VEZT: variants seen among roughly 807,000 people sequenced by gnomAD.
VEZT encodes vezatin, adherens junctions transmembrane protein, also known as vezatin.
In VEZT, 39 loss-of-function variants were observed where a neutral mutation model predicts 79.9. The ratio of observed to expected loss-of-function variants is 0.49; its 90% confidence interval spans 0.38 to 0.64. The LOEUF (loss-of-function observed/expected upper bound fraction) is 0.64. VEZT is among the 30% of genes least tolerant of loss of function. The pLI is 0.00. For missense variants in VEZT, 837 were observed against 893.1 expected (o/e 0.94, Z 0.80); for synonymous variants, 325 against 327.6 (o/e 0.99, Z 0.09).
rs745336269 is a variant in VEZT at position 95,287,836 on chromosome 12, C to G, written c.1501C>G (p.Arg501Gly). 6.3e-7 allele frequency: 1 copy of G among 1,598,902 alleles called. No individual in the cohort carries two copies. ...EAISQVDKLL[R>G]RNTDKKGKPE... Reference sequence around the variant, plus strand: ...CATTTCTCAGGTCGACAAACTGCTACGAAGAAATACAGATAAAAAAGGTAC... The same window carrying G: ...CATTTCTCAGGTCGACAAACTGCTAGGAAGAAATACAGATAAAAAAGGTAC... The change falls in exon 9 of 12, where the codon CGA (arginine) becomes GGA (glycine). Residue 501 changes from arginine (R) to glycine (G), a missense_variant. By Grantham distance (125) the Arg-to-Gly change is moderately radical (BLOSUM62 -2). Transcript: ENST00000436874.
At position 95,300,165 on chromosome 12, in the gene VEZT, C is replaced by A; in HGVS notation, c.1832C>A (p.Ala611Asp). 1 of 1,388,182 alleles carries A rather than the reference C, an allele frequency of 7.2e-7. No individual in the cohort carries two copies. Among genetic ancestry groups the A allele is most frequent in the Non-Finnish European group, 9.4e-7 (1 of 1,063,598 alleles). 86.0% of individuals were successfully genotyped at this position (1,388,182 alleles called of 1,614,324 possible). Residue 611 changes from alanine to aspartate, a missense_variant and splice_region_variant, in exon 12 of 12, where the codon GCC (alanine) becomes GAC (aspartate). Ala to Asp is a moderately radical substitution (Grantham distance 126). Coordinates refer to ENST00000436874, the MANE Select transcript of VEZT (RefSeq NM_017599.4). The stretch of plus-strand genomic sequence containing the variant: ...CTTTTTTCTTTTTTTTTATTTGAAG[C>A]CGTGTTGAAATCCTTGTCTCCTGTA... ...KWKQLLFSDH[A>D]VLKSLSPVDP...
chr12:95,228,004 CT>C (rs1275663909), intron 1 of VEZT, among the ~76,000 whole-genome samples: 5 of 152,152 alleles, frequency 3.3e-5, no homozygotes, highest in Non-Finnish European at 5.9e-5. Flanking sequence ...GAACTCGTTA[CT>C]GTTTTTGGTG....
In VEZT at chr12:95,244,143, C is replaced by T. The variant is rs536255816; in HGVS notation, c.37-7797C>T. 5.6e-5 allele frequency: 20 copies of T among 358,326 alleles called. 1 individual carries two copies. The highest frequency in any genetic ancestry group is 3.5e-4 in the South Asian group (16 of 45,584). 22.2% of individuals were successfully genotyped at this position (358,326 alleles called of 1,614,324 possible). A position where few individuals can be genotyped will look rare whatever the true frequency, so the allele number is the denominator to read the frequency against. The stretch of plus-strand genomic sequence containing the variant: ...AGGCACAGTGCCTTACACCTATAAT[C>T]CCAGTGCTTTGGGCCGAGGTGGGAG... On this transcript the variant is annotated intron_variant, in intron 1 of 11. Coordinates refer to ENST00000436874, the MANE Select transcript of VEZT (RefSeq NM_017599.4).
intron 1 of VEZT, among the ~76,000 whole-genome samples, chr12:95,232,479 C>T (rs2059393953): frequency 6.6e-6 from 1 of 152,152 alleles, no homozygotes; most frequent in Admixed American, 6.5e-5. Flanking sequence ...CCAGAATAAG[C>T]ACAGATTCAT....
chr12:95,243,728 G>A (rs1380077683), intron 1 of VEZT, among the ~76,000 whole-genome samples: 1 of 152,180 alleles, frequency 6.6e-6, no homozygotes, highest in Non-Finnish European at 1.5e-5. Context: ...CCTAATGGGA[G>A]GCATTTAGGT....
intron 1 of VEZT, among the ~76,000 whole-genome samples, chr12:95,220,283 T>C (rs1470083561): frequency 1.3e-5 from 2 of 152,168 alleles, no homozygotes; most frequent in African/African-American, 4.8e-5. Flanking sequence ...GGTGAAACCC[T>C]ATCTCTACAA....
At chr12:95,252,172 G>GT in intron 2 of VEZT, 101 bp downstream of exon 2, 1 of 1,260,040 alleles carries the variant, frequency 7.9e-7, no homozygotes, top group Non-Finnish European at 1.1e-6. Context: ...CCTCACACTG[G>GT]TAAGACTATT....
intron 7 of VEZT, 126 bp downstream of exon 7, chr12:95,275,015 G>A: frequency 1.8e-6 from 2 of 1,129,502 alleles, no homozygotes; most frequent in Non-Finnish European, 1.2e-6. Flanking sequence ...CATCATAAAT[G>A]CACGGGTGAT....
At chr12:95,289,417 C>CAAAAAAAAAAAAAAAAAAAAAAA in intron 9 of VEZT, among the ~76,000 whole-genome samples, 1 of 69,464 alleles carries the variant, frequency 1.4e-5, no homozygotes, top group Non-Finnish European at 2.6e-5. Context: ...ACTCTTGTCT[C>CAAAAAAAAAAAAAAAAAAAAAAA]AAAAAAAAAA....
At chr12:95,218,376 A>G (rs1054397787) in intron 1 of VEZT, 4 of 152,356 alleles carry the variant, frequency 2.6e-5, no homozygotes, top group African/African-American at 9.7e-5. Context: ...TTTAAAGTCT[A>G]TTTGTGGGAC....
At chr12:95,264,942 G>A (rs1593661877) in intron 4 of VEZT, among the ~76,000 whole-genome samples, 2 of 141,490 alleles carry the variant, frequency 1.4e-5, no homozygotes, top group African/African-American at 2.6e-5. Flanking sequence ...GCATGATCTC[G>A]GCTTACTGCA....
At chr12:95,284,183 C>G (rs1237396712) in intron 8 of VEZT, among the ~76,000 whole-genome samples, 1 of 152,214 alleles carries the variant, frequency 6.6e-6, no homozygotes, top group Non-Finnish European at 1.5e-5. Context: ...GCTAATGTCT[C>G]TCACCTTTCT....
chr12:95,270,225 T>C, intron 6 of VEZT, 37 bp downstream of exon 6: 2 of 1,548,958 alleles, frequency 1.3e-6, no homozygotes, highest in Non-Finnish European at 1.7e-6. Context: ...CTAAGCAATG[T>C]TTCTGGAGTC....
chr12:95,262,819 C>A, intron 3 of VEZT, 87 bp from the exon 4 acceptor site: 2 of 1,242,322 alleles, frequency 1.6e-6, no homozygotes, highest in Non-Finnish European at 2.1e-6. Context: ...TAAACACCAC[C>A]AAATTTTATT....
intron 1 of VEZT, among the ~76,000 whole-genome samples, chr12:95,237,626 ATTATT>A (rs2060374987): frequency 6.6e-6 from 1 of 152,152 alleles, no homozygotes; most frequent in East Asian, 1.9e-4. Context: ...GCACTGGAAT[ATTATT>A]TTGTTTTGTT....
At chr12:95,261,023 C>CCAT (rs889474883) in intron 3 of VEZT, among the ~76,000 whole-genome samples, 7 of 132,778 alleles carry the variant, frequency 5.3e-5, no homozygotes, top group African/African-American at 1.7e-4. Context: ...AAAAAAAAAG[C>CCAT]CATATCAGGC....
rs2073670225 is a variant in VEZT, at chr12:95,294,300, A to T, written c.1551A>T (p.Pro517=). 1 of 1,592,270 alleles carries T rather than the reference A, an allele frequency of 6.3e-7. No individual in the cohort carries two copies. Among genetic ancestry groups the T allele is most frequent in the Non-Finnish European group, 8.6e-7 (1 of 1,168,766 alleles). The stretch of plus-strand genomic sequence containing the variant: ...AGCCTGAAATAGCATGTGAAAACCC[A>T]CATTGTACAGTAGTACCTTTGAAGC... ...KGKPEIACEN[P]HCTVVPLKQP... The change falls in exon 10 of 12, where the codon CCA becomes CCT. Residue 517 remains proline (P), a synonymous_variant. Transcript: ENST00000436874.
chr12:95,249,171 CG>C (rs2062135492), intron 1 of VEZT, among the ~76,000 whole-genome samples: 1 of 152,188 alleles, frequency 6.6e-6, no homozygotes, highest in Non-Finnish European at 1.5e-5. Flanking sequence ...GAAATATTTA[CG>C]ATCTGGCCTT....
At chr12:95,249,672 T>C (rs2062213517) in intron 1 of VEZT, among the ~76,000 whole-genome samples, 1 of 152,218 alleles carries the variant, frequency 6.6e-6, no homozygotes, top group African/African-American at 2.4e-5. Context: ...CAAGAATATA[T>C]TCCCTAAATG....
Sources: gnomAD v4.1 joint callset for allele counts (sites outside exome capture counted in the v4.1 genomes callset) on GRCh38, gnomAD v4.1.1 for gene constraint, MANE v1.5 for transcripts, NCBI Gene and HGNC (gene_info 2026-07-23, HGNC 2026-07-21) for gene names.